ZNF559: variants seen among roughly 807,000 people sequenced by gnomAD.
ZNF559 encodes zinc finger protein 559.
In ZNF559, 17 loss-of-function variants were observed where a neutral mutation model predicts 14.2. The ratio of observed to expected loss-of-function variants is 1.20; its 90% CI spans 0.82 to 1.80. The LOEUF (loss-of-function observed/expected upper bound fraction) is 1.80, where lower values mean the gene tolerates loss of function less well. ZNF559 is among the 40% of genes most tolerant of loss of function. The pLI, the probability that ZNF559 is intolerant of heterozygous loss-of-function variation, is 0.00. For missense variants in ZNF559, 740 were observed against 629.7 expected (o/e 1.18, Z -1.88); for synonymous variants, 244 against 212.4 (o/e 1.15, Z -1.29).
chr19:9,339,695 G>T (rs1186011216), intron 5 of ZNF559, among the ~76,000 whole-genome samples: 1 of 151,672 alleles, frequency 6.6e-6, no homozygotes, highest in Non-Finnish European at 1.5e-5. Context: ...ATCTGAGAGG[G>T]TTCAGAATGC....
rs887985050 is a variant in ZNF559, at chr19:9,342,385, C to G, written c.934C>G (p.Leu312Val). 6.2e-7 allele frequency: 1 copy of G among 1,610,318 alleles called. No individual in the cohort carries two copies. The highest frequency in any genetic ancestry group is 1.7e-5 in the Admixed American group (1 of 59,216). ...CGKEFTCFSK[L>V]NIHIRVHTGE... ...CAAAGAATTTACTTGTTTCTCAAAA[C>G]TCAACATTCACATAAGGGTTCACAC... Residue 312 changes from leucine (L) to valine (V), a missense_variant, in exon 7 of 7, where the codon CTC becomes GTC. Leu to Val is a conservative substitution (Grantham distance 32). Transcript: ENST00000603380.
At chr19:9,337,890 C>T in intron 3 of ZNF559, 32 bp downstream of exon 3, 2 of 1,531,208 alleles carry the variant, frequency 1.3e-6, no homozygotes, top group Non-Finnish European at 1.7e-6. Context: ...ACTACTTAAT[C>T]AAGAGGAATT....
At chr19:9,327,355 C>G (rs893585501) in intron 2 of ZNF559, among the ~76,000 whole-genome samples, 1 of 152,154 alleles carries the variant, frequency 6.6e-6, no homozygotes, top group Non-Finnish European at 1.5e-5. Flanking sequence ...TCAAGTGATT[C>G]TCCTGTCTCA....
rs545536064 is a variant in ZNF559 at position 9,339,934 on chromosome 19, A to ATT, written c.160+639_160+640dup. Among the ~76,000 whole-genome samples, 173 of 86,416 alleles carry ATT rather than the reference A, an allele frequency of 2.0e-3. 3 individuals are homozygous for ATT. The highest frequency in any genetic ancestry group is 6.5e-3 in the East Asian group (19 of 2,944). 56.7% of individuals were successfully genotyped at this position (86,416 alleles called of 152,430 possible). A position where few individuals can be genotyped will look rare whatever the true frequency, so the allele number is the denominator to read the frequency against. ...CAGGCGCCCACCACCACGCCTGGCTATTTTTTTTTTTTTTTTTTTTTTTTT... is the reference window on the plus strand; with the variant it reads ...CAGGCGCCCACCACCACGCCTGGCTATTTTTTTTTTTTTTTTTTTTTTTTTTT... On this transcript the variant is annotated intron_variant, in intron 5 of 6. Coordinates refer to ENST00000603380, the MANE Select transcript of ZNF559 (RefSeq NM_032497.3).
Position 9,342,289 on chromosome 19 carries a change from T to C in ZNF559, c.838T>C (p.Phe280Leu), listed in dbSNP as rs1167065999. Reference sequence around the variant, plus strand: ...TAAGAAATTTGGCAAAGCCTTTGCTTTTTCCCCAGATCTTGCTAAACATAT... The same window carrying C: ...TAAGAAATTTGGCAAAGCCTTTGCTCTTTCCCCAGATCTTGCTAAACATAT... ...EHKKFGKAFA[F>L]SPDLAKHIRL... is the part of the protein sequence containing the mutation. The change falls in exon 7 of 7, where the codon TTT becomes CTT. Residue 280 changes from phenylalanine to leucine, a missense_variant. Phe to Leu is a conservative substitution (Grantham distance 22). Transcript: ENST00000603380. 3 of 1,588,188 alleles carry C rather than the reference T, an allele frequency of 1.9e-6. No individual in the cohort carries two copies. The highest frequency in any genetic ancestry group is 2.7e-5 in the African/African-American group (2 of 73,402).
In ZNF559 at chr19:9,341,686, C is replaced by T. The variant is rs768272504; in HGVS notation, c.244-9C>T. ...ACTTCTATGAACCATCATTAATTTTCACCAACAGGAGAGAAACCATTTTGG... is the reference window on the plus strand; with the variant it reads ...ACTTCTATGAACCATCATTAATTTTTACCAACAGGAGAGAAACCATTTTGG... On this transcript the variant is annotated splice_polypyrimidine_tract_variant and intron_variant, in intron 6 of 6. Transcript: ENST00000603380. The T allele has an allele frequency of 1.3e-6, 2 of 1,598,662 alleles. No homozygotes were observed. Among genetic ancestry groups the T allele is most frequent in the Non-Finnish European group, 1.7e-6 (2 of 1,175,634 alleles).
At chr19:9,332,224 G>A (rs1327557002) in intron 2 of ZNF559, among the ~76,000 whole-genome samples, 1 of 152,038 alleles carries the variant, frequency 6.6e-6, no homozygotes, top group Non-Finnish European at 1.5e-5. Flanking sequence ...GAGATCATCT[G>A]ATTTTCTGGC....
intron 2 of ZNF559, among the ~76,000 whole-genome samples, chr19:9,329,298 A>G (rs978049448): frequency 6.6e-6 from 1 of 151,982 alleles, no homozygotes; most frequent in Non-Finnish European, 1.5e-5. Context: ...TCTTATTACT[A>G]TTTTGTCTGG....
At chr19:9,335,012 T>C (rs2067151128) in intron 2 of ZNF559, among the ~76,000 whole-genome samples, 1 of 151,800 alleles carries the variant, frequency 6.6e-6, no homozygotes, top group African/African-American at 2.4e-5. Flanking sequence ...GGTGGGCGCC[T>C]GTAGTCCCAG....
At chr19:9,338,432 G>A (rs2067359625) in intron 3 of ZNF559, 62 bp from the exon 4 acceptor site, 7 of 1,286,604 alleles carry the variant, frequency 5.4e-6, no homozygotes, top group Non-Finnish European at 4.4e-6. Context: ...GTGGCTTCTT[G>A]CCTTGTGAGT....
intron 2 of ZNF559, among the ~76,000 whole-genome samples, chr19:9,332,206 C>G (rs1309938352): frequency 6.6e-6 from 1 of 152,106 alleles, no homozygotes; most frequent in African/African-American, 2.4e-5. Context: ...TCCTTTTCTG[C>G]ATCTCATGAG....
In ZNF559 at chr19:9,339,223, G is replaced by C; in HGVS notation, c.64G>C (p.Asp22His). The change falls in exon 5 of 7, where the codon GAC (aspartate) becomes CAC (histidine). Residue 22 changes from aspartate (D) to histidine (H), a missense_variant. Transcript: ENST00000603380. ...AGTGACCTTTGAGGATGTGGCTGTG[G>C]ACTTCACCCAGGAGGAGTGGACTTT... ...DSVTFEDVAV[D>H]FTQEEWTLLD... The C allele has an allele frequency of 6.2e-7, 1 of 1,614,040 alleles. No homozygotes were observed. Among genetic ancestry groups the C allele is most frequent in the Non-Finnish European group, 8.5e-7 (1 of 1,179,954 alleles).
Position 9,342,367 on chromosome 19 carries a change from TTTAC to T in ZNF559, c.919_922del (p.Thr307ValfsTer9), listed in dbSNP as rs756484426. 48 of 1,609,792 alleles carry T rather than the reference TTTAC, an allele frequency of 3.0e-5. No homozygotes were observed. Among genetic ancestry groups the T allele is most frequent in the Non-Finnish European group, 3.9e-5 (46 of 1,177,934 alleles). On this transcript the variant is annotated frameshift_variant, in exon 7 of 7. Transcript: ENST00000603380. LOFTEE classifies it low-confidence loss of function (END_TRUNC). The stretch of plus-strand genomic sequence containing the variant: ...TGTTTGTAATGAATGTGGCAAAGAA[TTTAC>T]TTGTTTCTCAAAACTCAACATTCAC...
Position 9,344,287 on chromosome 19 carries a change from A to C in ZNF559, c.*1219A>C, listed in dbSNP as rs1374012527. The C allele has an allele frequency of 6.6e-6, 1 of 152,100 alleles. No individual in the cohort carries two copies. The highest frequency in any genetic ancestry group is 1.5e-5 in the Non-Finnish European group (1 of 68,026). The allele number at this position is 152,100 out of a possible 1,614,324, so 9.4% of individuals were successfully genotyped here. ...TATCCTCAGAGGGTTTTTTAATGAA[A>C]AACTTAGTTATAGGGAATTGAGGAA... is the stretch of plus-strand genomic sequence containing the variant. On this transcript the variant is annotated 3_prime_UTR_variant, in exon 7 of 7. Coordinates refer to ENST00000603380, the MANE Select transcript of ZNF559 (RefSeq NM_032497.3).
intron 2 of ZNF559, among the ~76,000 whole-genome samples, chr19:9,327,415 T>C (rs983837727): frequency 6.6e-6 from 1 of 152,166 alleles, no homozygotes; most frequent in African/African-American, 2.4e-5. Flanking sequence ...GCCTGGCTAA[T>C]TTTTGTAATT....
rs150423537 is a variant in ZNF559 at position 9,331,826 on chromosome 19, A to G, written c.-119-5970A>G. ...GTAGGGCTTCCTACTCTGCCATTTT[A>G]CTGACATTTTTTATGATATATTACT... is the stretch of plus-strand genomic sequence containing the variant. On this transcript the variant is annotated intron_variant, in intron 2 of 6. Coordinates refer to ENST00000603380, the MANE Select transcript of ZNF559 (RefSeq NM_032497.3). Among the ~76,000 whole-genome samples, 18 of 152,292 alleles carry G rather than the reference A, an allele frequency of 1.2e-4. No individual in the cohort carries two copies. The East Asian group carries it at 3.3e-3, about 28-fold the overall frequency.
chr19:9,344,794 T>C lies in ZNF559; in HGVS notation c.*1726T>C, dbSNP rs1297384084. Reference sequence around the variant, plus strand: ...GGTGAAGTGTACATTTAATGATCTTTTTTCACTGTTGCTGAGAATCTTTGG... The same window carrying C: ...GGTGAAGTGTACATTTAATGATCTTCTTTCACTGTTGCTGAGAATCTTTGG... On this transcript the variant is annotated 3_prime_UTR_variant, in exon 7 of 7. Transcript: ENST00000603380. 6.6e-6 allele frequency: 1 copy of C among 152,234 alleles called. No homozygotes were observed. The highest frequency in any genetic ancestry group is 2.4e-5 in the African/African-American group (1 of 41,470). The allele number at this position is 152,234 out of a possible 1,614,324, so 9.4% of individuals were successfully genotyped here.
Position 9,338,517 on chromosome 19 carries a change from T to C in ZNF559, c.-33T>C, listed in dbSNP as rs2067366039. ...AGATCATCTTTCTCAAGATGTTTTC[T>C]GTCTTCATGAGTCAAAATTTGAAGA... On this transcript the variant is annotated 5_prime_UTR_variant, in exon 4 of 7. Transcript: ENST00000603380. 9 of 1,613,756 alleles carry C rather than the reference T, an allele frequency of 5.6e-6. No homozygotes were observed. Among genetic ancestry groups the C allele is most frequent in the African/African-American group, 1.3e-5 (1 of 74,946 alleles).
intron 3 of ZNF559, chr19:9,338,146 G>A (rs757584797): frequency 2.0e-5 from 16 of 811,162 alleles, no homozygotes; most frequent in Non-Finnish European, 3.2e-5. Context: ...AAGTAGATAC[G>A]AATATTCTGT....
Sources: allele counts gnomAD v4.1 joint callset (sites outside exome capture counted in the v4.1 genomes callset), GRCh38; gene constraint gnomAD v4.1.1; transcripts MANE v1.5; gene names NCBI Gene and HGNC (gene_info 2026-07-23, HGNC 2026-07-21).